RASSF8: variants seen among roughly 807,000 people sequenced by gnomAD.
The protein encoded by RASSF8 is ras association domain-containing protein 8.
A neutral mutation model predicts 48.5 loss-of-function variants in RASSF8; 22 were observed. That is an observed-to-expected ratio of 0.45 (90% CI 0.32 to 0.65). The LOEUF (loss-of-function observed/expected upper bound fraction) is 0.65, where lower values mean the gene tolerates loss of function less well. Among genes scored for constraint, RASSF8 ranks in the 30% least tolerant of loss-of-function variants. The pLI, the probability that RASSF8 is intolerant of heterozygous loss-of-function variation, is 0.03. For synonymous variants in RASSF8, 127 were observed against 171.5 expected, an observed-to-expected ratio of 0.74 and a Z score of 2.03; for missense variants, 418 against 489.2, an observed-to-expected ratio of 0.85 and a Z score of 1.37.
At chr12:25,966,002 A>G (rs1248478969) in intron 1 of RASSF8, among the ~76,000 whole-genome samples, 1 of 152,244 alleles carries the variant, frequency 6.6e-6, no homozygotes, top group Non-Finnish European at 1.5e-5. Flanking sequence ...ATACTTGCAT[A>G]CAAGTATTGT....
At chr12:25,978,798 C>G (rs1325977711) in intron 1 of RASSF8, among the ~76,000 whole-genome samples, 1 of 151,860 alleles carries the variant, frequency 6.6e-6, no homozygotes, top group Non-Finnish European at 1.5e-5. Flanking sequence ...ACACTGGAAG[C>G]TGAGAGACCA....
intron 2 of RASSF8, among the ~76,000 whole-genome samples, chr12:26,045,729 G>A (rs904028940): frequency 6.6e-6 from 1 of 152,038 alleles, no homozygotes; most frequent in Non-Finnish European, 1.5e-5. Flanking sequence ...TTGGTTTCAT[G>A]GATAAAAAAT....
At chr12:26,041,205 T>G (rs1467692916) in intron 2 of RASSF8, among the ~76,000 whole-genome samples, 1 of 152,160 alleles carries the variant, frequency 6.6e-6, no homozygotes, top group African/African-American at 2.4e-5. Flanking sequence ...ATACATAGTA[T>G]TCTTAATAGT....
intron 5 of RASSF8, among the ~76,000 whole-genome samples, chr12:26,068,409 A>G (rs1057247397): frequency 2.0e-5 from 3 of 152,162 alleles, no homozygotes; most frequent in African/African-American, 7.2e-5. Flanking sequence ...GCTGATATTT[A>G]AAAGACAATT....
intron 2 of RASSF8, among the ~76,000 whole-genome samples, chr12:26,006,274 G>A (rs1033444978): frequency 6.6e-6 from 1 of 152,166 alleles, no homozygotes; most frequent in African/African-American, 2.4e-5. Flanking sequence ...ATCATCTAGA[G>A]TGATTAATCT....
intron 3 of RASSF8, among the ~76,000 whole-genome samples, chr12:26,058,904 A>G (rs1565642482): frequency 6.6e-6 from 1 of 152,348 alleles, no homozygotes; most frequent in East Asian, 1.9e-4. Context: ...CCTTAGTTGA[A>G]ACCTCTTCTT....
In RASSF8 at chr12:26,055,233, T is replaced by C; in HGVS notation, c.-108-3T>C. On this transcript the variant is annotated splice_polypyrimidine_tract_variant and splice_region_variant and intron_variant, in intron 2 of 5. Transcript: ENST00000689635. ...TTACAAGTGATTTTTTGCCCTTTTT[T>C]AGCTGACTACACAGACTTAGTCTTC... is the stretch of plus-strand genomic sequence containing the variant. The C allele has an allele frequency of 1.2e-6, 1 of 838,454 alleles. No homozygotes were observed. The highest frequency in any genetic ancestry group is 1.5e-5 in the South Asian group (1 of 68,348). 51.9% of individuals were successfully genotyped at this position (838,454 alleles called of 1,614,324 possible). A position where few individuals can be genotyped will look rare whatever the true frequency, so the allele number is the denominator to read the frequency against.
At chr12:26,050,011 C>T (rs979220294) in intron 2 of RASSF8, among the ~76,000 whole-genome samples, 4 of 152,088 alleles carry the variant, frequency 2.6e-5, no homozygotes, top group Non-Finnish European at 5.9e-5. Context: ...TCTTGATCTC[C>T]AGACCTCGTG....
At chr12:26,061,364 C>T (rs1943738523) in intron 3 of RASSF8, among the ~76,000 whole-genome samples, 1 of 152,056 alleles carries the variant, frequency 6.6e-6, no homozygotes, top group Admixed American at 6.6e-5. Flanking sequence ...TCAATAAGAT[C>T]TCATTAATGC....
chr12:25,988,340 T>A (rs1478300177), intron 1 of RASSF8, among the ~76,000 whole-genome samples: 2 of 152,174 alleles, frequency 1.3e-5, no homozygotes, highest in African/African-American at 4.8e-5. Context: ...AAAGCAATCT[T>A]GGAACTTTTC....
intron 2 of RASSF8, among the ~76,000 whole-genome samples, chr12:26,023,306 C>T (rs1308764603): frequency 1.3e-5 from 2 of 152,072 alleles, no homozygotes. Context: ...AAAAGCTCAA[C>T]AATTTCCAAG....
intron 1 of RASSF8, among the ~76,000 whole-genome samples, chr12:25,987,998 T>C (rs1447171323): frequency 6.6e-6 from 1 of 151,300 alleles, no homozygotes; most frequent in African/African-American, 2.4e-5. Context: ...ACTACAGGCA[T>C]GCACTACCAT....
downstream of RASSF8, among the ~76,000 whole-genome samples, chr12:26,073,580 TAAA>T (rs1437333886): frequency 6.6e-6 from 1 of 151,518 alleles, no homozygotes; most frequent in Non-Finnish European, 1.5e-5. Flanking sequence ...GTACGAAAAG[TAAA>T]AACAAAATAG....
chr12:26,005,164 G>GGTGT (rs34419551), intron 2 of RASSF8, among the ~76,000 whole-genome samples: 16,464 of 149,908 alleles, frequency 0.11, 1,349 homozygotes, highest in East Asian at 0.38. Context: ...TTACGGATGG[G>GGTGT]GTGTGTGTGT....
intron 2 of RASSF8, among the ~76,000 whole-genome samples, chr12:26,053,681 T>G (rs1477795753): frequency 2.0e-5 from 3 of 152,204 alleles, no homozygotes; most frequent in Non-Finnish European, 4.4e-5. Flanking sequence ...CCCTCATAAC[T>G]GAGGAGCACA....
intron 2 of RASSF8, among the ~76,000 whole-genome samples, chr12:26,020,840 A>C (rs1057313402): frequency 1.3e-5 from 2 of 152,182 alleles, no homozygotes; most frequent in African/African-American, 4.8e-5. Context: ...GTGTGACCTG[A>C]GAAAATTTCT....
intron 2 of RASSF8, among the ~76,000 whole-genome samples, chr12:26,044,185 T>C (rs890622735): frequency 2.0e-5 from 3 of 152,090 alleles, no homozygotes; most frequent in African/African-American, 7.2e-5. Flanking sequence ...GGCTGGAGAT[T>C]TTTGTGACTG....
In RASSF8 at chr12:26,068,766, T is replaced by G. The variant is rs558188232; in HGVS notation, c.1208T>G (p.Ile403Ser). The G allele has an allele frequency of 9.1e-6, 14 of 1,537,282 alleles. No homozygotes were observed. In the East Asian group the frequency reaches 1.2e-4, roughly 13 times the overall value. Residue 403 changes from isoleucine (I) to serine (S), a missense_variant, in exon 6 of 6, where the codon ATT becomes AGT. By Grantham distance (142) the Ile-to-Ser change is moderately radical. Coordinates refer to ENST00000689635, the MANE Select transcript of RASSF8 (RefSeq NM_001394098.1). ...SSRQLPSNLR[I>S]LQNPISSGFN... is the part of the protein sequence containing the mutation. ...CGGCAGCTCCCCAGTAATCTCCGCA[T>G]TCTGCAGAATCCTATCTCATCTGGT...
In RASSF8 at chr12:26,014,985, C is replaced by T. The variant is rs140053345; in HGVS notation, c.-109+19855C>T. 5.0e-3 allele frequency among the ~76,000 whole-genome samples: 760 copies of T among 151,764 alleles called. 5 individuals carry two copies. Among genetic ancestry groups the T allele is most frequent in the Admixed American group, 6.7e-3 (102 of 15,238 alleles). ...CTTTGGGAGGCCAAGGTGGGAGGAT[C>T]GCTTGAGCCCAGGAGTTTGAGACCA... On this transcript the variant is annotated intron_variant, in intron 2 of 5. Transcript: ENST00000689635.
Sources: allele counts gnomAD v4.1 joint callset (sites outside exome capture counted in the v4.1 genomes callset), GRCh38; gene constraint gnomAD v4.1.1; transcripts MANE v1.5; gene names NCBI Gene and HGNC (gene_info 2026-07-23, HGNC 2026-07-21).